RNF4: variants seen among roughly 807,000 people sequenced by gnomAD.
RNF4 encodes E3 ubiquitin-protein ligase RNF4.
A neutral mutation model predicts 24.3 loss-of-function variants in RNF4; 7 were observed. The ratio of observed to expected loss-of-function variants is 0.29; its 90% CI spans 0.16 to 0.54. RNF4 has a LOEUF of 0.54. Ranked by LOEUF, RNF4 falls within the 20% of genes least tolerant of loss-of-function variation. RNF4 has a pLI of 0.95. For synonymous variants in RNF4, 83 were observed against 84.3 expected (o/e 0.98, Z 0.09); for missense variants, 209 against 248.5 (o/e 0.84, Z 1.07).
chr4:2,493,396 C>A (rs1325476165), intron 2 of RNF4, among the ~76,000 whole-genome samples: 5 of 151,886 alleles, frequency 3.3e-5, no homozygotes, highest in African/African-American at 1.2e-4. Context: ...GGTCCAGGAC[C>A]CATGGCTGCT....
At chr4:2,476,118 C>G (rs138201097) in intron 1 of RNF4, among the ~76,000 whole-genome samples, 103 of 152,258 alleles carry the variant, frequency 6.8e-4, no homozygotes, top group African/African-American at 2.4e-3. Flanking sequence ...CCTAAGTTTT[C>G]TCCTCTCACC....
Position 2,495,639 on chromosome 4 carries a change from T to TTTTGG in RNF4, c.10-1368_10-1367insTTTGG, listed in dbSNP as rs1553878656. Among the ~76,000 whole-genome samples the TTTTGG allele has an allele frequency of 9.0e-5, 12 of 132,848 alleles. No homozygotes were observed. The South Asian group carries it at 3.1e-3, about 34-fold the overall frequency. 87.2% of individuals were successfully genotyped at this position (132,848 alleles called of 152,430 possible). ...CTCTGTTGGGAAGCTCTTTTTTTTT[T>TTTTGG]GGGGGGGGGTGAGATGGAGATTTAC... On this transcript the variant is annotated intron_variant, in intron 2 of 7. Coordinates refer to ENST00000314289, the MANE Select transcript of RNF4 (RefSeq NM_002938.5).
chr4:2,497,192 A>G (rs1424827065), intron 3 of RNF4, 71 bp downstream of exon 3: 5 of 1,181,870 alleles, frequency 4.2e-6, no homozygotes, highest in Non-Finnish European at 6.0e-6. Context: ...AGGGTGAGCT[A>G]GTAGAAGGTG....
intron 1 of RNF4, among the ~76,000 whole-genome samples, chr4:2,471,894 A>G (rs1206109539): frequency 1.3e-5 from 2 of 152,222 alleles, no homozygotes; most frequent in Non-Finnish European, 2.9e-5. Context: ...CACCTCTGTA[A>G]TGTAAAAGTG....
At chr4:2,475,676 G>T (rs1044340013) in intron 1 of RNF4, among the ~76,000 whole-genome samples, 2 of 152,142 alleles carry the variant, frequency 1.3e-5, no homozygotes, top group Non-Finnish European at 2.9e-5. Flanking sequence ...TGTAGACTGG[G>T]TCTTGCCCTT....
chr4:2,488,812 T>TTTTA (rs377402803), intron 1 of RNF4, among the ~76,000 whole-genome samples: 2 of 151,830 alleles, frequency 1.3e-5, no homozygotes, highest in African/African-American at 4.8e-5. Context: ...TATTTTCATT[T>TTTTA]TTTATTTATT....
chr4:2,490,864 G>C (rs1021147779), intron 2 of RNF4: 4 of 176,606 alleles, frequency 2.3e-5, no homozygotes, highest in Admixed American at 5.8e-5. Context: ...ACTTGGAGGC[G>C]TGAAGGTAAA....
chr4:2,472,491 C>A (rs540847540), intron 1 of RNF4, among the ~76,000 whole-genome samples: 97 of 151,856 alleles, frequency 6.4e-4, no homozygotes, highest in African/African-American at 2.3e-3. Context: ...GTGGCTCATG[C>A]CTGTACTCGC....
At chr4:2,500,920 G>C (rs1735891398) in intron 4 of RNF4, among the ~76,000 whole-genome samples, 182 bp downstream of exon 4, 1 of 152,214 alleles carries the variant, frequency 6.6e-6, no homozygotes, top group African/African-American at 2.4e-5. Context: ...TAATAACAAA[G>C]AAGTTCATGC....
At chr4:2,472,747 T>G (rs1281732824) in intron 1 of RNF4, among the ~76,000 whole-genome samples, 1 of 151,894 alleles carries the variant, frequency 6.6e-6, no homozygotes, top group African/African-American at 2.4e-5. Context: ...TAGATACCAT[T>G]AAGAATATTT....
intron 2 of RNF4, among the ~76,000 whole-genome samples, chr4:2,492,829 G>A (rs1277267854): frequency 6.6e-6 from 1 of 152,284 alleles, no homozygotes; most frequent in East Asian, 1.9e-4. Flanking sequence ...TCACCTATGG[G>A]GAAATAGGTG....
At chr4:2,482,072 G>A (rs906496651) in intron 1 of RNF4, among the ~76,000 whole-genome samples, 2 of 152,170 alleles carry the variant, frequency 1.3e-5, no homozygotes, top group Non-Finnish European at 2.9e-5. Flanking sequence ...GTGACAGCTT[G>A]TATTGTCCCT....
At chr4:2,483,803 C>CA (rs567001773) in intron 1 of RNF4, among the ~76,000 whole-genome samples, 12 of 150,254 alleles carry the variant, frequency 8.0e-5, no homozygotes, top group Middle Eastern at 6.8e-3. Flanking sequence ...GACTGTGTCT[C>CA]AAAAAAAAAT....
chr4:2,500,374 G>C (rs1220981570), intron 3 of RNF4, among the ~76,000 whole-genome samples: 2 of 152,112 alleles, frequency 1.3e-5, no homozygotes, highest in South Asian at 4.1e-4. Flanking sequence ...CCGTGTGGAA[G>C]TGGGATGCCG....
Position 2,512,589 on chromosome 4 carries a change from A to G in RNF4, c.366A>G (p.Thr122=). Residue 122 remains threonine, a synonymous_variant, in exon 6 of 8, where the codon ACA becomes ACG. Transcript: ENST00000314289. The surrounding 1 kb of genome is among the most constrained non-coding windows in gnomAD (Gnocchi z 4.1). ...TPRNARDEGA[T]GLRPSGTVSC... is the part of the protein sequence containing the mutation. The stretch of plus-strand genomic sequence containing the variant: ...GAAACGCCAGGGATGAGGGCGCTAC[A>G]GGCCTCAGGTACCAACGTGCCCCCA... The G allele has an allele frequency of 6.2e-7, 1 of 1,613,756 alleles. No homozygotes were observed. Among genetic ancestry groups the G allele is most frequent in the Non-Finnish European group, 8.5e-7 (1 of 1,179,730 alleles).
Position 2,514,096 on chromosome 4 carries a change from A to T in RNF4, c.*277A>T, listed in dbSNP as rs1198417836. 4.9e-6 allele frequency: 2 copies of T among 411,198 alleles called. No homozygotes were observed. Among genetic ancestry groups the T allele is most frequent in the Admixed American group, 7.4e-5 (2 of 27,176 alleles). The allele number at this position is 411,198 out of a possible 1,614,324, so 25.5% of individuals were successfully genotyped here. On this transcript the variant is annotated 3_prime_UTR_variant, in exon 8 of 8. Transcript: ENST00000314289. ...CAGGCGCATTGGGAATCGTGGTTCC[A>T]GTCTGGTTGCAGAATCTGCACATTT... is the stretch of plus-strand genomic sequence containing the variant.
intron 1 of RNF4, among the ~76,000 whole-genome samples, chr4:2,472,868 A>G (rs558479077): frequency 8.6e-5 from 13 of 151,160 alleles, no homozygotes; most frequent in East Asian, 2.0e-4. Flanking sequence ...GTGAAACCCC[A>G]TCTCTACTAA....
intron 2 of RNF4, chr4:2,494,621 C>T (rs1407569492): frequency 2.0e-5 from 3 of 151,958 alleles, no homozygotes; most frequent in Non-Finnish European, 4.4e-5. Flanking sequence ...ACCTTGTGAT[C>T]CGCCCGCCTC....
rs529957823 is a variant in RNF4, at chr4:2,478,581, G to C, written c.-158+9323G>C. On this transcript the variant is annotated intron_variant, in intron 1 of 7. Coordinates refer to ENST00000314289, the MANE Select transcript of RNF4 (RefSeq NM_002938.5). ...GGCCAAAAGGGGCCAACATAGAGTA[G>C]AACTCAGGCTGTGGTTTCAGAAGGT... is the stretch of plus-strand genomic sequence containing the variant. 2.0e-5 allele frequency among the ~76,000 whole-genome samples: 3 copies of C among 152,364 alleles called. No homozygotes were observed. The South Asian group carries it at 6.2e-4, about 32-fold the overall frequency.
Sources: gnomAD v4.1 joint callset for allele counts (sites outside exome capture counted in the v4.1 genomes callset) on GRCh38, gnomAD v4.1.1 for gene constraint, Gnocchi (gnomAD v3.1) non-coding constraint, MANE v1.5 for transcripts, NCBI Gene and HGNC (gene_info 2026-07-23, HGNC 2026-07-21) for gene names.